TGM4: variants seen among roughly 807,000 people sequenced by gnomAD.
TGM4 encodes the protein transglutaminase 4.
Under a neutral mutation model 76.3 loss-of-function variants are expected in TGM4, and 61 were observed. The ratio of observed to expected loss-of-function variants is 0.80; its 90% CI spans 0.65 to 0.99. TGM4 has a LOEUF of 0.99. Ranked by LOEUF, TGM4 falls within the 50% of genes least tolerant of loss-of-function variation. The probability of loss-of-function intolerance (pLI) is 0.00; values close to 1 mark genes in which losing one functional copy is unlikely to be tolerated. For missense variants in TGM4, 794 were observed against 843.2 expected (o/e 0.94, Z 0.72); for synonymous variants, 337 against 329.8 (o/e 1.02, Z -0.24).
intron 2 of TGM4, 61 bp downstream of exon 2, chr3:44,885,559 C>G: frequency 1.3e-6 from 2 of 1,549,718 alleles, no homozygotes; most frequent in South Asian, 1.2e-5. Context: ...TCTGTGGATG[C>G]TGGAGTGGCC....
At chr3:44,912,006 T>C (rs578040136) in intron 13 of TGM4, among the ~76,000 whole-genome samples, 2 of 152,244 alleles carry the variant, frequency 1.3e-5, no homozygotes, top group South Asian at 2.1e-4. Context: ...AATTTTTGTA[T>C]TTTTAGTAGA....
At chr3:44,879,265 C>CTATATATATATATATA (rs57611128) in intron 1 of TGM4, among the ~76,000 whole-genome samples, 1 of 92,294 alleles carries the variant, frequency 1.1e-5, no homozygotes, top group African/African-American at 4.4e-5. Flanking sequence ...CTCTCTCTCT[C>CTATATATATATATATA]TATATATATA....
chr3:44,914,172 A>G lies in TGM4; in HGVS notation c.*447A>G, dbSNP rs1311908542. The G allele has an allele frequency of 1.3e-5, 2 of 157,456 alleles. No individual in the cohort carries two copies. The highest frequency in any genetic ancestry group is 2.8e-5 in the Non-Finnish European group (2 of 71,316). 9.8% of individuals were successfully genotyped at this position (157,456 alleles called of 1,614,324 possible). ...CTGTCAACTGGAGTGCTCTCTCAGC[A>G]CTGGGATGGGCCTGATAGAAGTGCA... On this transcript the variant is annotated 3_prime_UTR_variant, in exon 14 of 14. Transcript: ENST00000296125.
chr3:44,890,557 T>C, intron 3 of TGM4, 46 bp from the exon 4 acceptor site: 6 of 1,600,552 alleles, frequency 3.7e-6, no homozygotes, highest in Non-Finnish European at 5.1e-6. Flanking sequence ...AGATTTGGGA[T>C]CTGGCCAGAG....
chr3:44,906,047 G>C (rs1472755023), intron 9 of TGM4, among the ~76,000 whole-genome samples: 2 of 152,186 alleles, frequency 1.3e-5, no homozygotes, highest in Non-Finnish European at 2.9e-5. Flanking sequence ...TCACCTTATA[G>C]ATAAGGCCAG....
At chr3:44,907,254 G>A in intron 10 of TGM4, 54 bp downstream of exon 10, 2 of 1,505,570 alleles carry the variant, frequency 1.3e-6, no homozygotes, top group Non-Finnish European at 1.8e-6. Context: ...CCCAGAACAT[G>A]AAAATAGTCA....
At position 44,893,607 on chromosome 3, in the gene TGM4, A is replaced by G. The variant is rs747417202; in HGVS notation, c.461A>G (p.Glu154Gly). The G allele has an allele frequency of 1.2e-6, 2 of 1,613,876 alleles. No homozygotes were observed. Among genetic ancestry groups the G allele is most frequent in the Non-Finnish European group, 1.7e-6 (2 of 1,179,852 alleles). The stretch of plus-strand genomic sequence containing the variant: ...ATGGTTTTCATGCCTGATGAGGACG[A>G]GCGCAAAGAGTACATCCTCAATGAC... ...EDMVFMPDED[E>G]RKEYILNDTG... is the part of the protein sequence containing the mutation. Residue 154 changes from glutamate (E) to glycine (G), a missense_variant, in exon 5 of 14, where the codon GAG becomes GGG. Glu to Gly is a moderately conservative substitution (Grantham distance 98). Transcript: ENST00000296125.
chr3:44,900,173 T>C (rs1699833668), intron 6 of TGM4, among the ~76,000 whole-genome samples: 1 of 152,206 alleles, frequency 6.6e-6, no homozygotes, highest in African/African-American at 2.4e-5. Context: ...CTCCCCTACA[T>C]TGCTCTATAG....
At chr3:44,890,950 C>T (rs780228222) in intron 4 of TGM4, among the ~76,000 whole-genome samples, 1 of 152,306 alleles carries the variant, frequency 6.6e-6, no homozygotes, top group Non-Finnish European at 1.5e-5. Flanking sequence ...CCACTTCTCC[C>T]CAGTGCCTCG....
rs1699736841 is a variant in TGM4 at position 44,893,785 on chromosome 3, A to G, written c.549+90A>G. 11 of 1,239,056 alleles carry G rather than the reference A, an allele frequency of 8.9e-6. No individual in the cohort carries two copies. The South Asian group carries it at 1.4e-4, about 15-fold the overall frequency. 76.8% of individuals were successfully genotyped at this position (1,239,056 alleles called of 1,614,324 possible). On this transcript the variant is annotated intron_variant, in intron 5 of 13. Coordinates refer to ENST00000296125, the MANE Select transcript of TGM4 (RefSeq NM_003241.4). The stretch of plus-strand genomic sequence containing the variant: ...AGTAGTCAGTAAAGGTTCTGGAGAA[A>G]GGGTTGTGAACCTCGGGTCAAACGC...
chr3:44,905,637 C>T (rs144725080), intron 9 of TGM4, among the ~76,000 whole-genome samples: 45 of 152,340 alleles, frequency 3.0e-4, no homozygotes, highest in Middle Eastern at 3.4e-3. Flanking sequence ...ACTTTGCGGG[C>T]TCCACCCATC....
In TGM4 at chr3:44,874,702, G is replaced by A. The variant is rs1035369170; in HGVS notation, c.19+5G>A. 1.2e-6 allele frequency: 2 copies of A among 1,614,104 alleles called. No homozygotes were observed. The highest frequency in any genetic ancestry group is 2.7e-5 in the African/African-American group (2 of 74,940). ...GGATGATGGATGCATCAAAAGGTGA[G>A]TGGGTGAAATCTCCATGGAGCCCCA... is the stretch of plus-strand genomic sequence containing the variant. On this transcript the variant is annotated splice_donor_5th_base_variant and intron_variant, in intron 1 of 13. Transcript: ENST00000296125.
At chr3:44,899,276 G>A (rs554002298) in intron 6 of TGM4, 1 of 152,336 alleles carries the variant, frequency 6.6e-6, no homozygotes, top group Non-Finnish European at 1.5e-5. Context: ...GTTCGCCAAA[G>A]GCTGCACAGT....
chr3:44,892,832 T>C (rs1225702012), intron 4 of TGM4, among the ~76,000 whole-genome samples: 2 of 152,202 alleles, frequency 1.3e-5, no homozygotes, highest in African/African-American at 2.4e-5. Flanking sequence ...GGACTAGAAG[T>C]CCCCTTTTTT....
intron 4 of TGM4, among the ~76,000 whole-genome samples, chr3:44,892,362 AT>A (rs200539240): frequency 0.3 from 39,080 of 130,118 alleles, 4,005 homozygotes; most frequent in East Asian, 0.68. Flanking sequence ...TTTTTTTTTA[AT>A]TTTTTTTTTT....
chr3:44,879,261 C>CTATATATA (rs1185276628), intron 1 of TGM4, among the ~76,000 whole-genome samples: 77 of 93,310 alleles, frequency 8.3e-4, no homozygotes, highest in Middle Eastern at 6.0e-3. Context: ...CTCTCTCTCT[C>CTATATATA]TCTCTATATA....
At chr3:44,901,739 G>A in intron 7 of TGM4, 41 bp downstream of exon 7, 1 of 1,612,886 alleles carries the variant, frequency 6.2e-7, no homozygotes, top group Non-Finnish European at 8.5e-7. Context: ...AGGTCCCAAG[G>A]GAGGGACTCC....
intron 4 of TGM4, among the ~76,000 whole-genome samples, chr3:44,892,283 A>C (rs201163487): frequency 6.6e-6 from 1 of 151,100 alleles, no homozygotes; most frequent in Non-Finnish European, 1.5e-5. Context: ...AATAAATAAA[A>C]ATAAATAATT....
chr3:44,893,503 A>G, intron 4 of TGM4, 74 bp from the exon 5 acceptor site: 1 of 1,284,768 alleles, frequency 7.8e-7, no homozygotes, highest in Non-Finnish European at 1.1e-6. Context: ...CCCAGCACAG[A>G]CAGTCCCCAT....
Sources: allele counts gnomAD v4.1 joint callset (sites outside exome capture counted in the v4.1 genomes callset), GRCh38; gene constraint gnomAD v4.1.1; transcripts MANE v1.5; gene names NCBI Gene and HGNC (gene_info 2026-07-23, HGNC 2026-07-21).